The following CACNA1E variants were observed in gnomAD, a reference collection of about 807,000 sequenced individuals.
The protein encoded by CACNA1E is calcium voltage-gated channel subunit alpha1 E, also known as voltage-dependent R-type calcium channel subunit alpha-1E.
In CACNA1E, 40 loss-of-function variants were observed where a neutral mutation model predicts 259.2. The ratio of observed to expected loss-of-function variants is 0.15; its 90% confidence interval spans 0.12 to 0.20. CACNA1E has a LOEUF of 0.20. Ranked by LOEUF, CACNA1E falls within the 10% of genes least tolerant of loss-of-function variation. The pLI is 1.00. For missense variants in CACNA1E, 1,874 were observed against 3,040.1 expected (o/e 0.62, Z 9.02); for synonymous variants, 1,104 against 1,138.5 (o/e 0.97, Z 0.61).
chr1:181,684,222 C>G (rs1181727258), intron 7 of CACNA1E, among the ~76,000 whole-genome samples: 1 of 152,106 alleles, frequency 6.6e-6, no homozygotes, highest in Non-Finnish European at 1.5e-5. Flanking sequence ...TTGCGTTTCT[C>G]TAATGATTAG....
At chr1:181,754,425 C>T (rs1431256118) in intron 27 of CACNA1E, among the ~76,000 whole-genome samples, 2 of 152,218 alleles carry the variant, frequency 1.3e-5, no homozygotes, top group African/African-American at 4.8e-5. Flanking sequence ...CTAGATTGTC[C>T]TGTGAGCTAA....
At chr1:181,654,348 C>G (rs1284709590) in intron 7 of CACNA1E, among the ~76,000 whole-genome samples, 2 of 151,724 alleles carry the variant, frequency 1.3e-5, no homozygotes, top group Non-Finnish European at 2.9e-5. Flanking sequence ...AAATTACCTA[C>G]AAAACAGAAC....
chr1:181,542,036 T>C (rs775822372), intron 3 of CACNA1E, among the ~76,000 whole-genome samples: 1 of 152,178 alleles, frequency 6.6e-6, no homozygotes, highest in Non-Finnish European at 1.5e-5. Flanking sequence ...CAGGTTACCA[T>C]ATCATGAGGA....
chr1:181,579,691 A>T (rs1426957845), intron 5 of CACNA1E, among the ~76,000 whole-genome samples: 1 of 152,112 alleles, frequency 6.6e-6, no homozygotes, highest in Non-Finnish European at 1.5e-5. Context: ...CTGAATCAAT[A>T]CCCCTTTACT....
At chr1:181,580,453 G>A in intron 5 of CACNA1E, 142 bp from the exon 6 acceptor site, 2 of 743,074 alleles carry the variant, frequency 2.7e-6, no homozygotes, top group Non-Finnish European at 4.8e-6. Flanking sequence ...AGAGGCCAGG[G>A]AGGAGAGGGA....
At chr1:181,594,606 C>G (rs1213967064) in intron 6 of CACNA1E, among the ~76,000 whole-genome samples, 1 of 152,192 alleles carries the variant, frequency 6.6e-6, no homozygotes, top group Non-Finnish European at 1.5e-5. Flanking sequence ...CCATGTTGGC[C>G]AGACTGGTCT....
At position 181,805,445 on chromosome 1, in the gene CACNA1E, T is replaced by C. The variant is rs1181979117; in HGVS notation, c.*6611T>C. On this transcript the variant is annotated 3_prime_UTR_variant, in exon 48 of 48. Transcript: ENST00000367573. ...TCAATTTTTAAGAATAAAGGTAATATGAAATGAGGGCTAAACAATGTAATA... is the reference window on the plus strand; with the variant it reads ...TCAATTTTTAAGAATAAAGGTAATACGAAATGAGGGCTAAACAATGTAATA... The C allele has an allele frequency of 6.6e-6, 1 of 152,206 alleles. No individual in the cohort carries two copies. Among genetic ancestry groups the C allele is most frequent in the Non-Finnish European group, 1.5e-5 (1 of 68,046 alleles). 9.4% of individuals were successfully genotyped at this position (152,206 alleles called of 1,614,324 possible). A position where few individuals can be genotyped will look rare whatever the true frequency, so the allele number is the denominator to read the frequency against.
At chr1:181,790,582 A>C in intron 44 of CACNA1E, 26 bp downstream of exon 44, 1 of 1,317,460 alleles carries the variant, frequency 7.6e-7, no homozygotes, top group Non-Finnish European at 1.1e-6. Flanking sequence ...ATATGACCTC[A>C]AAACTACTTC....
chr1:181,792,127 G>A (rs935291503), intron 44 of CACNA1E, among the ~76,000 whole-genome samples: 6 of 152,264 alleles, frequency 3.9e-5, no homozygotes, highest in South Asian at 2.1e-4. Context: ...ACTATAGATA[G>A]TTTGATTCTT....
At chr1:181,746,404 T>C (rs1287989191) in intron 25 of CACNA1E, among the ~76,000 whole-genome samples, 2 of 152,262 alleles carry the variant, frequency 1.3e-5, no homozygotes, top group Non-Finnish European at 2.9e-5. Flanking sequence ...CTCATTTGAC[T>C]AGTAAATAGC....
At chr1:181,787,070 G>C (rs1660907759) in intron 43 of CACNA1E, among the ~76,000 whole-genome samples, 2 of 152,030 alleles carry the variant, frequency 1.3e-5, no homozygotes, top group Admixed American at 6.6e-5. Context: ...AGGGAAAGAA[G>C]TATGATTGGA....
intron 2 of CACNA1E, among the ~76,000 whole-genome samples, chr1:181,467,345 A>G (rs1662213397): frequency 6.6e-6 from 1 of 152,204 alleles, no homozygotes; most frequent in Non-Finnish European, 1.5e-5. Context: ...GGATGAGGGT[A>G]CACAGGGTTG....
chr1:181,689,408 T>C (rs946376855), intron 7 of CACNA1E, among the ~76,000 whole-genome samples: 3 of 152,230 alleles, frequency 2.0e-5, no homozygotes, highest in African/African-American at 7.2e-5. Flanking sequence ...TGGTTCCAAG[T>C]CTTTGCTATT....
chr1:181,474,425 CAA>C (rs1005710841), intron 2 of CACNA1E, among the ~76,000 whole-genome samples: 4 of 152,298 alleles, frequency 2.6e-5, no homozygotes, highest in Admixed American at 2.0e-4. Context: ...CAGAAACCTG[CAA>C]AAGAGCCTGT....
At position 181,721,878 on chromosome 1, in the gene CACNA1E, A is replaced by G; in HGVS notation, c.2074+3A>G. 6.3e-7 allele frequency: 1 copy of G among 1,582,444 alleles called. No individual in the cohort carries two copies. Among genetic ancestry groups the G allele is most frequent in the Non-Finnish European group, 8.7e-7 (1 of 1,151,016 alleles). On this transcript the variant is annotated splice_donor_region_variant and intron_variant, in intron 16 of 47. Transcript: ENST00000367573. ...TGTGCTCACCTTGTTTGGCAACTGT[A>G]TCCTTTTTAAGATGCACCTCCTCAA... is the stretch of plus-strand genomic sequence containing the variant.
intron 2 of CACNA1E, among the ~76,000 whole-genome samples, chr1:181,454,314 C>A (rs777483720): frequency 6.6e-6 from 1 of 152,242 alleles, no homozygotes; most frequent in Non-Finnish European, 1.5e-5. Flanking sequence ...GGACAAGACT[C>A]TTAACCTTCT....
intron 1 of CACNA1E, among the ~76,000 whole-genome samples, chr1:181,399,001 C>T (rs1397320245): frequency 6.6e-6 from 1 of 152,184 alleles, no homozygotes; most frequent in Non-Finnish European, 1.5e-5. Flanking sequence ...ACTATGAGGA[C>T]ATAAATATTA....
chr1:181,428,723 C>T (rs1308763195), intron 2 of CACNA1E, among the ~76,000 whole-genome samples: 1 of 152,116 alleles, frequency 6.6e-6, no homozygotes, highest in Non-Finnish European at 1.5e-5. Context: ...TGCTTTCAAA[C>T]CAAAGTTCCT....
Position 181,726,161 on chromosome 1 carries a change from G to A in CACNA1E, c.2239G>A (p.Glu747Lys), listed in dbSNP as rs1357407338. 4.1e-5 allele frequency: 66 copies of A among 1,607,782 alleles called. No individual in the cohort carries two copies. Among genetic ancestry groups the A allele is most frequent in the Non-Finnish European group, 4.7e-5 (55 of 1,176,158 alleles). The change falls in exon 18 of 48, where the codon GAA becomes AAA. Residue 747 changes from glutamate (E) to lysine (K), a missense_variant and splice_region_variant. Physicochemically the swap from Glu to Lys is moderately conservative, Grantham distance 56. This residue lies in a region of CACNA1E where 476 missense variants were observed against 514.0 expected (regional missense o/e 0.93). Transcript: ENST00000367573. ...GTCTGCACCCAACATGCCTTCGATC[G>A]AGTGAGTCAGCTGCCCCCTTCACTG... is the stretch of plus-strand genomic sequence containing the variant. ...PMSAPNMPSI[E>K]RDRRRRHHMS...
Sources: gnomAD v4.1 joint callset for allele counts (sites outside exome capture counted in the v4.1 genomes callset) on GRCh38, gnomAD v4.1.1 for gene constraint, gnomAD v4.1.1 regional missense constraint, MANE v1.5 for transcripts, NCBI Gene and HGNC (gene_info 2026-07-23, HGNC 2026-07-21) for gene names.